The following GPHN variants were observed in gnomAD, a reference collection of about 807,000 sequenced individuals.
The protein encoded by GPHN is gephyrin.
In GPHN, 17 loss-of-function variants were observed where a neutral mutation model predicts 95.5. The observed-to-expected ratio is 0.18, with a 90% CI of 0.12 to 0.27. The LOEUF (loss-of-function observed/expected upper bound fraction) is 0.27. Ranked by LOEUF, GPHN falls within the 10% of genes least tolerant of loss-of-function variation. The pLI, the probability that GPHN is intolerant of heterozygous loss-of-function variation, is 1.00. For missense variants in GPHN, 660 were observed against 978.1 expected (o/e 0.67, Z 4.34); for synonymous variants, 320 against 322.5 (o/e 0.99, Z 0.08).
chr14:66,884,818 G>GTATATATATA (rs34476314), intron 5 of GPHN, among the ~76,000 whole-genome samples: 2 of 144,916 alleles, frequency 1.4e-5, no homozygotes, highest in Non-Finnish European at 3.0e-5. Flanking sequence ...ATGTGTGTGT[G>GTATATATATA]TATATATATA....
chr14:67,090,978 AAAAAC>A (rs1041691574), intron 12 of GPHN, among the ~76,000 whole-genome samples: 24 of 151,946 alleles, frequency 1.6e-4, no homozygotes, highest in African/African-American at 5.8e-4. Flanking sequence ...ATTTAAAAAA[AAAAAC>A]ACTTGATAAT....
chr14:67,246,902 G>C, the GPHN span, among the ~76,000 whole-genome samples: 12 of 151,980 alleles, frequency 7.9e-5, no homozygotes, highest in Non-Finnish European at 1.5e-4. Flanking sequence ...TGCCTGCCCC[G>C]GCTTCCCAAA....
rs181407259 is a variant in GPHN, at chr14:67,066,875, A to T, written c.1144+8089A>T. ...TAGCTTCCTTGTGATGGGTTAGAAC[A>T]TGCTCCTTTAGCTCGGAGAAGTTTG... is the stretch of plus-strand genomic sequence containing the variant. On this transcript the variant is annotated intron_variant, in intron 11 of 22. Transcript: ENST00000478722. Among the ~76,000 whole-genome samples, 4 of 152,166 alleles carry T rather than the reference A, an allele frequency of 2.6e-5. No individual in the cohort carries two copies. In the South Asian group the frequency reaches 8.3e-4, roughly 31 times the overall value.
chr14:66,837,124 G>C (rs1266018205), intron 4 of GPHN, among the ~76,000 whole-genome samples: 3 of 151,350 alleles, frequency 2.0e-5, no homozygotes, highest in South Asian at 2.1e-4. Context: ...AAATCATGCT[G>C]CTATAAAGAC....
At chr14:66,728,499 T>C (rs2153432314) in intron 2 of GPHN, among the ~76,000 whole-genome samples, 1 of 152,330 alleles carries the variant, frequency 6.6e-6, no homozygotes, top group East Asian at 1.9e-4. Flanking sequence ...GGGTCGGAGC[T>C]ACCCAAGACC....
chr14:66,819,462 C>T (rs1245736657), intron 3 of GPHN, among the ~76,000 whole-genome samples: 2 of 151,904 alleles, frequency 1.3e-5, no homozygotes. Flanking sequence ...AAAGATCAGA[C>T]AGTTGTAGGT....
At chr14:67,489,080 G>A in the GPHN span, among the ~76,000 whole-genome samples, 1 of 152,160 alleles carries the variant, frequency 6.6e-6, no homozygotes, top group Non-Finnish European at 1.5e-5. Flanking sequence ...AGAGTTTCTT[G>A]GAACATATGA....
the GPHN span, among the ~76,000 whole-genome samples, chr14:67,496,237 GA>G: frequency 6.6e-6 from 1 of 151,744 alleles, no homozygotes; most frequent in African/African-American, 2.4e-5. Context: ...TTTATTTTGA[GA>G]CCAGGTTATG....
chr14:67,582,113 G>A, the GPHN span: 7 of 1,613,314 alleles, frequency 4.3e-6, no homozygotes, highest in Admixed American at 6.7e-5. This position sits in a 1 kb window ranked among gnomAD's most constrained non-coding sequence, Gnocchi z 5.0. Flanking sequence ...GACCGAGAAC[G>A]GCTGCTCCTT....
chr14:66,712,379 A>G, intron 2 of GPHN, among the ~76,000 whole-genome samples: 1 of 152,168 alleles, frequency 6.6e-6, no homozygotes, highest in East Asian at 1.9e-4. Flanking sequence ...GGTTGCATAA[A>G]TGTCTTCTTC....
chr14:67,150,947 A>G (rs550333607), intron 18 of GPHN, among the ~76,000 whole-genome samples: 1 of 152,342 alleles, frequency 6.6e-6, no homozygotes, highest in South Asian at 2.1e-4. Context: ...TCTCAAAATT[A>G]TAAGTAGAAT....
chr14:67,114,037 A>G (rs892192908), intron 16 of GPHN, among the ~76,000 whole-genome samples: 13 of 152,182 alleles, frequency 8.5e-5, no homozygotes, highest in Non-Finnish European at 1.8e-4. Flanking sequence ...AATTTCTTGA[A>G]GTCTTGGAAA....
At chr14:67,182,128 A>G (rs747126304), downstream of GPHN, among the ~76,000 whole-genome samples, 2 of 152,236 alleles carry the variant, frequency 1.3e-5, no homozygotes, top group Non-Finnish European at 2.9e-5. Context: ...GACGCCATAA[A>G]ATCCAATTTC....
chr14:67,653,172 A>G, the GPHN span, among the ~76,000 whole-genome samples: 1 of 152,226 alleles, frequency 6.6e-6, no homozygotes, highest in Non-Finnish European at 1.5e-5. Context: ...CTGTGATTAA[A>G]TGTCCTTTCA....
chr14:67,100,135 C>CCTATGTATT (rs1260322174), intron 12 of GPHN, among the ~76,000 whole-genome samples: 6 of 151,980 alleles, frequency 3.9e-5, no homozygotes, highest in African/African-American at 1.4e-4. Flanking sequence ...TGCAGTACTG[C>CCTATGTATT]CTATGTATTC....
intron 4 of GPHN, among the ~76,000 whole-genome samples, chr14:66,833,395 G>C (rs911825758): frequency 6.6e-6 from 1 of 152,104 alleles, no homozygotes; most frequent in African/African-American, 2.4e-5. Context: ...CTCCCACCAA[G>C]TCCCTCCCAT....
intron 1 of GPHN, among the ~76,000 whole-genome samples, chr14:66,571,575 C>T (rs909735400): frequency 2.0e-5 from 3 of 152,078 alleles, no homozygotes; most frequent in Admixed American, 6.6e-5. Flanking sequence ...CTTTGGGAGG[C>T]TGAGTCAGGC....
chr14:67,704,114 T>C, the GPHN span, among the ~76,000 whole-genome samples: 1 of 152,242 alleles, frequency 6.6e-6, no homozygotes, highest in African/African-American at 2.4e-5. Flanking sequence ...CCCCTTGTTT[T>C]AAATTTAAAT....
chr14:67,558,187 T>C, the GPHN span, among the ~76,000 whole-genome samples: 49 of 152,204 alleles, frequency 3.2e-4, no homozygotes, highest in African/African-American at 1.1e-3. Flanking sequence ...GTCCCTTTCC[T>C]CTGCCACTGG....
Sources: allele counts gnomAD v4.1 joint callset (sites outside exome capture counted in the v4.1 genomes callset), GRCh38; gene constraint gnomAD v4.1.1; non-coding constraint Gnocchi (gnomAD v3.1); transcripts MANE v1.5; gene names NCBI Gene and HGNC (gene_info 2026-07-23, HGNC 2026-07-21).